TTLL5: variants seen among roughly 807,000 people sequenced by gnomAD.
TTLL5 encodes tubulin tyrosine ligase like 5, also known as tubulin polyglutamylase TTLL5.
A neutral mutation model predicts 168.4 loss-of-function variants in TTLL5; 132 were observed. That is an observed-to-expected ratio of 0.78 (90% confidence interval 0.68 to 0.91). The LOEUF (loss-of-function observed/expected upper bound fraction) is 0.91, where lower values mean the gene tolerates loss of function less well. Ranked by LOEUF, TTLL5 falls within the 40% of genes least tolerant of loss-of-function variation. TTLL5 has a pLI of 0.00. For missense variants in TTLL5, 1,545 were observed against 1,581.5 expected (o/e 0.98, Z 0.39); for synonymous variants, 546 against 558.6 (o/e 0.98, Z 0.32).
At chr14:75,786,907 C>CAG (rs1271588909) in intron 26 of TTLL5, among the ~76,000 whole-genome samples, 3 of 152,120 alleles carry the variant, frequency 2.0e-5, no homozygotes, top group Non-Finnish European at 2.9e-5. Context: ...CCGAGTTAGG[C>CAG]AGATCGCTTG....
At chr14:75,888,849 C>A (rs142207370) in intron 30 of TTLL5, among the ~76,000 whole-genome samples, 4 of 151,476 alleles carry the variant, frequency 2.6e-5, no homozygotes, top group Admixed American at 2.0e-4. Context: ...GCTGGAGAAT[C>A]GCTTGAACCT....
At chr14:75,822,334 A>G (rs370484746) in intron 28 of TTLL5, among the ~76,000 whole-genome samples, 9 of 152,170 alleles carry the variant, frequency 5.9e-5, no homozygotes, top group African/African-American at 2.2e-4. Flanking sequence ...TAATCTTTTT[A>G]TTGGGTAAGC....
chr14:75,790,139 C>A (rs1297130227), intron 26 of TTLL5, among the ~76,000 whole-genome samples: 1 of 152,016 alleles, frequency 6.6e-6, no homozygotes, highest in African/African-American at 2.4e-5. Flanking sequence ...TAATTGTTAT[C>A]CCCACAGAGA....
At chr14:75,794,215 T>C (rs184193275) in intron 27 of TTLL5, among the ~76,000 whole-genome samples, 311 of 152,244 alleles carry the variant, frequency 2.0e-3, no homozygotes, top group African/African-American at 7.2e-3. Context: ...AAGAACAATG[T>C]TGATTCTTGG....
intron 18 of TTLL5, among the ~76,000 whole-genome samples, chr14:75,763,251 C>CTGTGTGTGTGTGTG (rs1308717196): frequency 5.0e-4 from 17 of 33,924 alleles, no homozygotes; most frequent in African/African-American, 9.5e-4. Context: ...CTATAGCTCT[C>CTGTGTGTGTGTGTG]TCTCTGTGTG....
In TTLL5 at chr14:75,908,942, A is replaced by C. The variant is rs1432348907; in HGVS notation, c.3823+6718A>C. 3.9e-5 allele frequency among the ~76,000 whole-genome samples: 6 copies of C among 151,952 alleles called. No homozygotes were observed. The South Asian group carries it at 1.2e-3, about 32-fold the overall frequency. ...CAGGCATGTGCCACAATGCACAGCT[A>C]ATTTTTCATATTTTTAGTAGAGATG... On this transcript the variant is annotated intron_variant, in intron 31 of 31. Transcript: ENST00000298832.
At chr14:75,928,366 T>TATATATA (rs1202108865) in intron 31 of TTLL5, among the ~76,000 whole-genome samples, 1 of 142,318 alleles carries the variant, frequency 7.0e-6, no homozygotes, top group African/African-American at 2.6e-5. Context: ...TATATATATA[T>TATATATA]ATCACTGTAT....
chr14:75,857,067 A>G (rs561048860), intron 28 of TTLL5, among the ~76,000 whole-genome samples: 9 of 152,338 alleles, frequency 5.9e-5, no homozygotes, highest in Non-Finnish European at 8.8e-5. Context: ...TCTAAAGTTT[A>G]TAAGGTTTTC....
chr14:75,814,075 C>T (rs1416675493), intron 27 of TTLL5, among the ~76,000 whole-genome samples: 1 of 152,124 alleles, frequency 6.6e-6, no homozygotes, highest in African/African-American at 2.4e-5. Flanking sequence ...ACTTTTTGAG[C>T]CACCTACATG....
chr14:75,802,484 A>G (rs1269601306), intron 27 of TTLL5, among the ~76,000 whole-genome samples: 5 of 152,240 alleles, frequency 3.3e-5, no homozygotes, highest in Non-Finnish European at 5.9e-5. Context: ...GTTGTTGGGT[A>G]TTTCTGAAAA....
chr14:75,914,616 C>CTTT (rs1301805389), intron 31 of TTLL5, among the ~76,000 whole-genome samples: 2 of 121,036 alleles, frequency 1.7e-5, no homozygotes, highest in African/African-American at 6.4e-5. Context: ...GATCACTACT[C>CTTT]TTGTTTTTTT....
intron 28 of TTLL5, among the ~76,000 whole-genome samples, chr14:75,836,524 T>C (rs1895877926): frequency 6.6e-6 from 1 of 152,140 alleles, no homozygotes; most frequent in African/African-American, 2.4e-5. Context: ...AATTTAATTA[T>C]ACATTTTTAA....
At chr14:75,923,810 A>G (rs957469774) in intron 31 of TTLL5, among the ~76,000 whole-genome samples, 1 of 152,204 alleles carries the variant, frequency 6.6e-6, no homozygotes, top group Non-Finnish European at 1.5e-5. Flanking sequence ...GTGGGGTGTT[A>G]AAGTCTTCCA....
chr14:75,676,271 T>G (rs1421361175), intron 3 of TTLL5, among the ~76,000 whole-genome samples: 1 of 152,174 alleles, frequency 6.6e-6, no homozygotes, highest in Non-Finnish European at 1.5e-5. Context: ...CCCAGTCAAG[T>G]TGACACATAA....
chr14:75,707,522 G>A, intron 8 of TTLL5, 101 bp from the exon 9 acceptor site: 1 of 955,044 alleles, frequency 1.0e-6, no homozygotes, highest in Non-Finnish European at 1.6e-6. Flanking sequence ...TGGAGTGTAG[G>A]AATGTTCTTT....
At chr14:75,723,933 AC>A (rs1888009978) in intron 12 of TTLL5, among the ~76,000 whole-genome samples, 1 of 151,590 alleles carries the variant, frequency 6.6e-6, no homozygotes, top group Non-Finnish European at 1.5e-5. Context: ...GATTTTGTAT[AC>A]GTGTGTATAT....
At position 75,782,477 on chromosome 14, in the gene TTLL5, C is replaced by T; in HGVS notation, c.2516-10C>T. 6.2e-7 allele frequency: 1 copy of T among 1,608,660 alleles called. No individual in the cohort carries two copies. Among genetic ancestry groups the T allele is most frequent in the South Asian group, 1.1e-5 (1 of 89,978 alleles). On this transcript the variant is annotated splice_polypyrimidine_tract_variant and intron_variant, in intron 24 of 31. Coordinates refer to ENST00000298832, the MANE Select transcript of TTLL5 (RefSeq NM_015072.5). ...ATAAGAGAGTCCAAGCTCATTATTT[C>T]TTATTTCAGATCACCCTGAGACTAT...
At chr14:75,717,991 G>T in intron 10 of TTLL5, 29 bp downstream of exon 10, 1 of 1,602,388 alleles carries the variant, frequency 6.2e-7, no homozygotes, top group Non-Finnish European at 8.5e-7. Flanking sequence ...CCAGAAGTCA[G>T]AGGTGTCAGT....
intron 31 of TTLL5, among the ~76,000 whole-genome samples, chr14:75,950,374 A>G (rs1331977520): frequency 6.6e-6 from 1 of 152,236 alleles, no homozygotes; most frequent in Non-Finnish European, 1.5e-5. Flanking sequence ...GTAAAATCCA[A>G]TCCAGAAAGT....
Sources: allele counts gnomAD v4.1 joint callset (sites outside exome capture counted in the v4.1 genomes callset), GRCh38; gene constraint gnomAD v4.1.1; transcripts MANE v1.5; gene names NCBI Gene and HGNC (gene_info 2026-07-23, HGNC 2026-07-21).